The following STAU2 variants were observed in gnomAD, a reference collection of about 807,000 sequenced individuals.
The protein encoded by STAU2 is staufen double-stranded RNA binding protein 2.
In STAU2, 20 loss-of-function variants were observed where a neutral mutation model predicts 65.9. That is an observed-to-expected ratio of 0.30 (90% CI 0.21 to 0.44). The LOEUF (loss-of-function observed/expected upper bound fraction) is 0.44. STAU2 is among the 20% of genes least tolerant of loss of function. The pLI is 1.00. For synonymous variants in STAU2, 232 were observed against 233.9 expected (o/e 0.99, Z 0.07); for missense variants, 558 against 683.9 (o/e 0.82, Z 2.05).
intron 13 of STAU2, among the ~76,000 whole-genome samples, chr8:73,520,368 AGAT>A (rs1563398876): frequency 1.3e-5 from 2 of 152,354 alleles, no homozygotes; most frequent in East Asian, 3.9e-4. Flanking sequence ...TTATATGTTG[AGAT>A]GATATTTTAG....
At chr8:73,679,552 C>G (rs936873163) in intron 5 of STAU2, among the ~76,000 whole-genome samples, 1 of 152,014 alleles carries the variant, frequency 6.6e-6, no homozygotes, top group Non-Finnish European at 1.5e-5. Context: ...TTACCTAGGA[C>G]TGAAACAAAT....
intron 6 of STAU2, among the ~76,000 whole-genome samples, chr8:73,640,057 A>C (rs1182672936): frequency 1.3e-5 from 2 of 152,130 alleles, no homozygotes; most frequent in African/African-American, 4.8e-5. Context: ...AATTATTTTT[A>C]AAAAGAACTT....
chr8:73,746,335 TC>T (rs1807274749), intron 1 of STAU2, among the ~76,000 whole-genome samples: 1 of 146,844 alleles, frequency 6.8e-6, no homozygotes, highest in African/African-American at 2.6e-5. Flanking sequence ...GCGCTCCCTC[TC>T]CCTCGCAGCC....
intron 9 of STAU2, among the ~76,000 whole-genome samples, chr8:73,612,682 T>C (rs1218782656): frequency 6.6e-6 from 1 of 152,236 alleles, no homozygotes; most frequent in Non-Finnish European, 1.5e-5. Flanking sequence ...TATGTATATA[T>C]GTATTTTAAA....
At chr8:73,563,309 T>TA (rs1326390689) in intron 12 of STAU2, among the ~76,000 whole-genome samples, 1 of 152,060 alleles carries the variant, frequency 6.6e-6, no homozygotes, top group Non-Finnish European at 1.5e-5. Context: ...CACCTAGCAG[T>TA]AATAGGATGC....
chr8:73,557,188 C>G (rs1417030816), intron 12 of STAU2, among the ~76,000 whole-genome samples: 1 of 152,184 alleles, frequency 6.6e-6, no homozygotes, highest in Non-Finnish European at 1.5e-5. Context: ...TCAAGAGAGG[C>G]ATTACCTCAC....
intron 1 of STAU2, among the ~76,000 whole-genome samples, chr8:73,740,777 G>A (rs1326228028): frequency 6.6e-6 from 1 of 152,114 alleles, no homozygotes; most frequent in African/African-American, 2.4e-5. Flanking sequence ...GAGGTGGGGG[G>A]ATCACCTGAG....
intron 9 of STAU2, among the ~76,000 whole-genome samples, chr8:73,611,607 T>C (rs1300473621): frequency 6.6e-6 from 1 of 151,706 alleles, no homozygotes; most frequent in East Asian, 1.9e-4. Flanking sequence ...GTTAGATTTA[T>C]ATCCTACTAT....
chr8:73,710,213 T>C (rs1231603091), intron 3 of STAU2, among the ~76,000 whole-genome samples: 1 of 151,988 alleles, frequency 6.6e-6, no homozygotes, highest in Admixed American at 6.6e-5. Flanking sequence ...CAGTATCCCA[T>C]TATTGTTCTT....
intron 6 of STAU2, chr8:73,651,174 CG>C (rs1815841596): frequency 1.8e-6 from 2 of 1,096,018 alleles, no homozygotes; most frequent in Non-Finnish European, 2.7e-6. Context: ...CATCGGGCCC[CG>C]AGGAGCCCCC....
chr8:73,597,833 C>T (rs192536377), intron 10 of STAU2, among the ~76,000 whole-genome samples: 49 of 152,040 alleles, frequency 3.2e-4, no homozygotes, highest in Non-Finnish European at 6.3e-4. Flanking sequence ...GAAATCAAAC[C>T]ATAATTAAAA....
At chr8:73,686,795 C>T (rs1460419998) in intron 5 of STAU2, among the ~76,000 whole-genome samples, 2 of 151,096 alleles carry the variant, frequency 1.3e-5, no homozygotes. Context: ...TAGAACAACT[C>T]TTTAAAATTA....
intron 12 of STAU2, among the ~76,000 whole-genome samples, chr8:73,573,337 T>C (rs537568169): frequency 6.6e-6 from 1 of 152,326 alleles, no homozygotes; most frequent in East Asian, 1.9e-4. Flanking sequence ...CCAAGGTAAT[T>C]TATAGATTCA....
intron 6 of STAU2, among the ~76,000 whole-genome samples, chr8:73,645,401 T>TA (rs34975645): frequency 8.3e-4 from 127 of 152,122 alleles, no homozygotes; most frequent in Non-Finnish European, 1.3e-3. Flanking sequence ...CCATTCACGA[T>TA]AAAAAAAATT....
chr8:73,698,308 T>C (rs28811978), intron 4 of STAU2, among the ~76,000 whole-genome samples: 10,992 of 152,016 alleles, frequency 0.072, 434 homozygotes, highest in Middle Eastern at 0.14. Context: ...AGTTCCTATT[T>C]AGCAATAATA....
chr8:73,446,899 G>A (rs1055895534), intron 13 of STAU2, among the ~76,000 whole-genome samples: 5 of 152,116 alleles, frequency 3.3e-5, no homozygotes, highest in Admixed American at 3.3e-4. Flanking sequence ...TAACTACTAT[G>A]AACAGTCAAG....
At chr8:73,654,683 CTTT>C (rs764223379) in intron 6 of STAU2, among the ~76,000 whole-genome samples, 2 of 62,946 alleles carry the variant, frequency 3.2e-5, no homozygotes, top group East Asian at 5.2e-4. Context: ...ATTATCAAAC[CTTT>C]TTTTTTTTTT....
intron 4 of STAU2, among the ~76,000 whole-genome samples, chr8:73,702,181 G>C (rs1406758411): frequency 6.6e-6 from 1 of 152,086 alleles, no homozygotes; most frequent in Non-Finnish European, 1.5e-5. Context: ...ACAGCACATA[G>C]GGGGACTACA....
At chr8:73,444,166 G>C (rs971042574) in intron 13 of STAU2, among the ~76,000 whole-genome samples, 3 of 152,146 alleles carry the variant, frequency 2.0e-5, no homozygotes, top group Non-Finnish European at 2.9e-5. Context: ...CAGCACTTTG[G>C]AAGGCCGAGG....
Sources: gnomAD v4.1 joint callset for allele counts (sites outside exome capture counted in the v4.1 genomes callset) on GRCh38, gnomAD v4.1.1 for gene constraint, MANE v1.5 for transcripts, NCBI Gene and HGNC (gene_info 2026-07-23, HGNC 2026-07-21) for gene names.